EPB41L3: variants seen among roughly 807,000 people sequenced by gnomAD.
The protein encoded by EPB41L3 is erythrocyte membrane protein band 4.1 like 3, also known as band 4.1-like protein 3.
Under a neutral mutation model 127.1 loss-of-function variants are expected in EPB41L3, and 57 were observed. The ratio of observed to expected loss-of-function variants is 0.45; its 90% CI spans 0.36 to 0.56. The LOEUF (loss-of-function observed/expected upper bound fraction) is 0.56, where lower values mean the gene tolerates loss of function less well. EPB41L3 is among the 20% of genes least tolerant of loss of function. The pLI is 0.00. For missense variants in EPB41L3, 1,273 were observed against 1,372.2 expected (o/e 0.93, Z 1.14); for synonymous variants, 572 against 549.5 (o/e 1.04, Z -0.57).
Position 5,489,084 on chromosome 18 carries a change from G to A in EPB41L3, c.100C>T (p.Pro34Ser). Residue 34 changes from proline (P) to serine (S), a missense_variant, in exon 2 of 23, where the codon CCG becomes TCG. This residue lies in a region of EPB41L3 where 182 missense variants were observed against 149.2 expected (regional missense o/e 1.22). Coordinates refer to ENST00000341928, the MANE Select transcript of EPB41L3 (RefSeq NM_012307.5). Reference sequence around the variant, plus strand: ...TGCTGCTCCTCCTTGGGCGGCTCCGGCACGGGCGCCCCCGCGCGCCCCTGC... The same window carrying A: ...TGCTGCTCCTCCTTGGGCGGCTCCGACACGGGCGCCCCCGCGCGCCCCTGC... ...GAQGRAGAPVPEPPKEEQQQA... is the reference protein window; with the variant it reads ...GAQGRAGAPVSEPPKEEQQQA... The A allele has an allele frequency of 6.3e-7, 1 of 1,593,762 alleles. No homozygotes were observed.
chr18:5,453,970 G>A (rs1378728127), intron 3 of EPB41L3, among the ~76,000 whole-genome samples: 2 of 151,954 alleles, frequency 1.3e-5, no homozygotes. Flanking sequence ...CACATTTAAA[G>A]GTCACTTGAA....
chr18:5,508,667 T>C (rs2092351014), intron 1 of EPB41L3, among the ~76,000 whole-genome samples: 2 of 148,302 alleles, frequency 1.3e-5, no homozygotes, highest in Admixed American at 1.4e-4. Flanking sequence ...CTCAGGAGGC[T>C]GAGGCAGGAG....
chr18:5,420,219 G>A, intron 11 of EPB41L3: 1 of 363,680 alleles, frequency 2.7e-6, no homozygotes, highest in Non-Finnish European at 5.1e-6. Flanking sequence ...GGAGGGTCAT[G>A]AGGCGAGGCT....
intron 5 of EPB41L3, 69 bp from the exon 6 acceptor site, chr18:5,438,179 C>T (rs2080148935): frequency 2.8e-6 from 4 of 1,441,870 alleles, no homozygotes; most frequent in Non-Finnish European, 3.8e-6. Flanking sequence ...ATGGCCAGAA[C>T]TGCCTTAACT....
chr18:5,431,996 C>T (rs538035721), intron 8 of EPB41L3, among the ~76,000 whole-genome samples: 5 of 152,296 alleles, frequency 3.3e-5, no homozygotes, highest in African/African-American at 1.2e-4. Context: ...TTCAACATAA[C>T]AGCACATCCC....
intron 11 of EPB41L3, chr18:5,420,212 G>A (rs1486549689): frequency 8.0e-6 from 3 of 377,236 alleles, no homozygotes; most frequent in Non-Finnish European, 1.5e-5. Context: ...GGTGAGTGGA[G>A]GGTCATGAGG....
chr18:5,450,468 G>T (rs1028035326), intron 3 of EPB41L3, among the ~76,000 whole-genome samples: 2 of 151,514 alleles, frequency 1.3e-5, no homozygotes, highest in Non-Finnish European at 2.9e-5. Context: ...GAGAAACTGG[G>T]GGGGGTGAGG....
In EPB41L3 at chr18:5,489,134, G is replaced by A; in HGVS notation, c.50C>T (p.Ala17Val). The change falls in exon 2 of 23, where the codon GCC (alanine) becomes GTC (valine). Residue 17 changes from alanine to valine, a missense_variant. This residue lies in a region of EPB41L3 where 182 missense variants were observed against 149.2 expected (regional missense o/e 1.22). Transcript: ENST00000341928. ...CGCCCCCGCCGCCTCCTGGGGCTCG[G>A]CCTCCTGGTCCGGCTTGGATTCCGA... is the stretch of plus-strand genomic sequence containing the variant. Reference protein sequence around the residue: ...SDSESKPDQEAEPQEAAGAQG... With the variant: ...SDSESKPDQEVEPQEAAGAQG... The A allele has an allele frequency of 1.3e-6, 2 of 1,594,590 alleles. No homozygotes were observed. Among genetic ancestry groups the A allele is most frequent in the Non-Finnish European group, 1.7e-6 (2 of 1,174,900 alleles).
intron 1 of EPB41L3, among the ~76,000 whole-genome samples, chr18:5,503,034 G>A (rs2091873519): frequency 6.6e-6 from 1 of 152,172 alleles, no homozygotes; most frequent in African/African-American, 2.4e-5. Context: ...ATCACCTCTG[G>A]ATGGTTGACT....
intron 1 of EPB41L3, among the ~76,000 whole-genome samples, chr18:5,527,780 G>T (rs900900275): frequency 6.6e-6 from 1 of 152,186 alleles, no homozygotes; most frequent in African/African-American, 2.4e-5. Context: ...CCGAGGGCTC[G>T]GCAAGTCCAA....
At chr18:5,484,091 A>AAAAAAAAAAAAAAAAAAAAAAAAAAAC (rs2089192306) in intron 2 of EPB41L3, among the ~76,000 whole-genome samples, 1 of 95,728 alleles carries the variant, frequency 1.0e-5, no homozygotes, top group African/African-American at 6.7e-5. Flanking sequence ...AAACTCAAAA[A>AAAAAAAAAAAAAAAAAAAAAAAAAAAC]AAAAAAAAAA....
intron 3 of EPB41L3, among the ~76,000 whole-genome samples, chr18:5,557,328 T>C (rs1399563372): frequency 3.3e-5 from 5 of 152,230 alleles, no homozygotes; most frequent in Non-Finnish European, 7.3e-5. Flanking sequence ...TTTTCCTGTC[T>C]TGTAGCACAC....
chr18:5,423,357 G>T (rs753574845), intron 11 of EPB41L3, 21 bp downstream of exon 11: 1 of 1,582,068 alleles, frequency 6.3e-7, no homozygotes, highest in Non-Finnish European at 8.6e-7. Context: ...AGGTTATTAA[G>T]GGCCAGTAAG....
intron 1 of EPB41L3, among the ~76,000 whole-genome samples, chr18:5,517,603 C>T (rs780594843): frequency 1.5e-4 from 23 of 151,896 alleles, no homozygotes; most frequent in Non-Finnish European, 2.8e-4. Flanking sequence ...ACCTGGCTAA[C>T]CTTTTTGTAT....
chr18:5,538,995 A>ATTTT (rs757227800), intron 1 of EPB41L3, among the ~76,000 whole-genome samples: 10 of 115,194 alleles, frequency 8.7e-5, no homozygotes, highest in Non-Finnish European at 9.3e-5. Flanking sequence ...TTTCTCCAAG[A>ATTTT]TTTTTTTTTT....
chr18:5,482,721 G>GA (rs35092389), intron 2 of EPB41L3, among the ~76,000 whole-genome samples: 1 of 151,904 alleles, frequency 6.6e-6, no homozygotes, highest in Non-Finnish European at 1.5e-5. Context: ...AGTGCTCAAA[G>GA]AAAAAAACTG....
Position 5,438,091 on chromosome 18 carries a change from T to A in EPB41L3, c.549A>T (p.Ser183=). The change falls in exon 6 of 23, where the codon TCA becomes TCT. Residue 183 remains serine (S), a synonymous_variant. Transcript: ENST00000341928. ...CTGGTGGATAAAATTTCACATTAAA[T>A]GAAAAGTGCCAAGCACCACCTGCAA... ...KQVRSGAWHF[S]FNVKFYPPDP... The A allele has an allele frequency of 6.2e-7, 1 of 1,613,726 alleles. No individual in the cohort carries two copies. The highest frequency in any genetic ancestry group is 8.5e-7 in the Non-Finnish European group (1 of 1,179,916).
intron 1 of EPB41L3, 168 bp from the exon 2 acceptor site, chr18:5,489,362 C>T: frequency 1.4e-6 from 1 of 690,642 alleles, no homozygotes; most frequent in Non-Finnish European, 2.2e-6. Context: ...AACTTCACCA[C>T]TGAGATGGGT....
intron 3 of EPB41L3, among the ~76,000 whole-genome samples, chr18:5,559,705 A>G (rs993013735): frequency 1.3e-5 from 2 of 152,218 alleles, no homozygotes; most frequent in African/African-American, 2.4e-5. Flanking sequence ...CTTGCAGTTC[A>G]TATCAATCAT....
Sources: allele counts gnomAD v4.1 joint callset (sites outside exome capture counted in the v4.1 genomes callset), GRCh38; gene constraint gnomAD v4.1.1; regional missense constraint gnomAD v4.1.1; transcripts MANE v1.5; gene names NCBI Gene and HGNC (gene_info 2026-07-23, HGNC 2026-07-21).